The following TXLNG variants were observed in gnomAD, a reference collection of about 807,000 sequenced individuals.
TXLNG encodes the protein gamma-taxilin.
In TXLNG, 5 loss-of-function variants were observed where a neutral mutation model predicts 38.8. The observed-to-expected ratio is 0.13, with a 90% confidence interval of 0.07 to 0.27. TXLNG has a LOEUF of 0.27. Ranked by LOEUF, TXLNG falls within the 10% of genes least tolerant of loss-of-function variation. The pLI is 1.00. For missense variants in TXLNG, 393 were observed against 398.2 expected (o/e 0.99, Z 0.11); for synonymous variants, 182 against 158.2 (o/e 1.15, Z -1.13).
At chrX:16,788,639 C>T (rs1393850466) in intron 1 of TXLNG, among the ~76,000 whole-genome samples, 1 of 103,687 alleles carries the variant, frequency 9.6e-6, no homozygotes, top group African/African-American at 3.5e-5. Flanking sequence ...GAGACCCTGT[C>T]TCTTAAAAAA....
At chrX:16,814,696 A>G (rs192225639) in intron 1 of TXLNG, among the ~76,000 whole-genome samples, 1 of 111,818 alleles carries the variant, frequency 8.9e-6, no homozygotes, top group Non-Finnish European at 1.9e-5. Context: ...AGCCAAATCC[A>G]TAGAGGCAGC....
chrX:16,836,094 TA>T (rs755871285), intron 7 of TXLNG, among the ~76,000 whole-genome samples: 1 of 112,023 alleles, frequency 8.9e-6, no homozygotes, highest in South Asian at 3.7e-4. Flanking sequence ...CCCATCTCTA[TA>T]AAAGATACAA....
chrX:16,790,718 C>G (rs1204833112), intron 1 of TXLNG, among the ~76,000 whole-genome samples: 2 of 112,093 alleles, frequency 1.8e-5, no homozygotes, highest in East Asian at 5.5e-4. Flanking sequence ...GTTTTTATGG[C>G]ACATTTGCAC....
At chrX:16,835,943 A>T in intron 7 of TXLNG, among the ~76,000 whole-genome samples, 1 of 112,699 alleles carries the variant, frequency 8.9e-6, no homozygotes. Flanking sequence ...CACATGGGAC[A>T]GTCTTTATTT....
At chrX:16,837,462 C>T (rs778414669) in intron 7 of TXLNG, 131 bp from the exon 8 acceptor site, 51 of 434,602 alleles carry the variant, frequency 1.2e-4, no homozygotes, top group Non-Finnish European at 1.9e-4. Flanking sequence ...GTCTGGTGTC[C>T]AAGGATTGGA....
chrX:16,825,161 A>G lies in TXLNG; in HGVS notation c.499-2933A>G, dbSNP rs1478738888. 1.9e-4 allele frequency among the ~76,000 whole-genome samples: 21 copies of G among 112,248 alleles called. No individual in the cohort carries two copies. In the Admixed American group the frequency reaches 2.0e-3, roughly 11 times the overall value. On this transcript the variant is annotated intron_variant, in intron 3 of 9. Transcript: ENST00000380122. Reference sequence around the variant, plus strand: ...CCATAAACATTCAAAGAGATGTTCCACCTGATAAGTGATTAGGGAAATGCA... The same window carrying G: ...CCATAAACATTCAAAGAGATGTTCCGCCTGATAAGTGATTAGGGAAATGCA...
At position 16,830,830 on chromosome X, in the gene TXLNG, CGTGTGTGTGTGTGT is replaced by C. The variant is rs1186714021; in HGVS notation, c.864+1103_864+1116del. ...GCTTCAGCAGATGAAACCGTAATTC[CGTGTGTGTGTGTGT>C]GTGTGTGTGTGTGTGTGTGTGTGTG... On this transcript the variant is annotated intron_variant, in intron 5 of 9. Transcript: ENST00000380122. Among the ~76,000 whole-genome samples the C allele has an allele frequency of 4.4e-3, 168 of 37,933 alleles. 2 individuals carry two copies. Among genetic ancestry groups the C allele is most frequent in the Non-Finnish European group, 4.9e-3 (121 of 24,865 alleles). The allele number at this position is 37,933 out of a possible 115,157, so 32.9% of individuals were successfully genotyped here. A position where few individuals can be genotyped will look rare whatever the true frequency, so the allele number is the denominator to read the frequency against.
chrX:16,795,043 A>C (rs1349923108), intron 1 of TXLNG, among the ~76,000 whole-genome samples: 1 of 111,010 alleles, frequency 9.0e-6, no homozygotes, highest in Non-Finnish European at 1.9e-5. Context: ...TTTGGGAGGC[A>C]GAGGCAGGCG....
chrX:16,830,885 G>GTGTGTGTGTGTGTGTGTGTGTGTA (rs1440990242), intron 5 of TXLNG, among the ~76,000 whole-genome samples: 2 of 88,786 alleles, frequency 2.3e-5, no homozygotes, highest in Non-Finnish European at 2.3e-5. Flanking sequence ...GTGTGTGTGT[G>GTGTGTGTGTGTGTGTGTGTGTGTA]TATAGAGACA....
chrX:16,825,159 C>A (rs900307275), intron 3 of TXLNG, among the ~76,000 whole-genome samples: 3 of 111,960 alleles, frequency 2.7e-5, no homozygotes, highest in African/African-American at 9.7e-5. Context: ...AAGAGATGTT[C>A]CACCTGATAA....
At chrX:16,822,025 G>A (rs1928988769) in intron 3 of TXLNG, among the ~76,000 whole-genome samples, 1 of 105,000 alleles carries the variant, frequency 9.5e-6, no homozygotes, top group African/African-American at 3.5e-5. Flanking sequence ...ACTGAATTCT[G>A]TTAGTTTATT....
At position 16,828,132 on chromosome X, in the gene TXLNG, C is replaced by A; in HGVS notation, c.537C>A (p.Ile179=). 1 of 1,210,204 alleles carries A rather than the reference C, an allele frequency of 8.3e-7. No individual in the cohort carries two copies. Among genetic ancestry groups the A allele is most frequent in the Non-Finnish European group, 1.1e-6 (1 of 894,669 alleles). Residue 179 remains isoleucine, a synonymous_variant, in exon 4 of 10, where the codon ATC becomes ATA. Transcript: ENST00000380122. ...GGAGTGTTCAGAAGCAAATGAAGAT[C>A]CTGCAGAAGAAGCAAGCCCAGATTG... is the stretch of plus-strand genomic sequence containing the variant. The part of the protein sequence containing the change: ...ESRSVQKQMK[I]LQKKQAQIVK...
chrX:16,841,021 T>C lies in TXLNG; in HGVS notation c.1249-407T>C, dbSNP rs374178216. On this transcript the variant is annotated intron_variant, in intron 9 of 9. Coordinates refer to ENST00000380122, the MANE Select transcript of TXLNG (RefSeq NM_018360.3). ...ACCATCCTGGCCAACATGGTGAAAC[T>C]CCATCTCTACTAAAAATACAAAAAT... 7.3e-4 allele frequency among the ~76,000 whole-genome samples: 80 copies of C among 109,285 alleles called. No homozygotes were observed. In the East Asian group the frequency reaches 0.013, roughly 18 times the overall value. 94.9% of individuals were successfully genotyped at this position (109,285 alleles called of 115,157 possible).
rs763759599 is a variant in TXLNG at position 16,843,265 on chromosome X, G to A, written c.*1499G>A. ...TTACAAGTGTTATTTGTAAAGTCCT[G>A]TCACATTCATGGTCGAAACTGGGTT... On this transcript the variant is annotated 3_prime_UTR_variant, in exon 10 of 10. Transcript: ENST00000380122. 8.9e-6 allele frequency: 1 copy of A among 112,175 alleles called. No homozygotes were observed. The highest frequency in any genetic ancestry group is 2.8e-4 in the East Asian group (1 of 3,576). The allele number at this position is 112,175 out of a possible 1,213,427, so 9.2% of individuals were successfully genotyped here.
chrX:16,811,576 G>GACCTTGGGTGATCTGCTTGCC (rs2084373213), intron 1 of TXLNG, among the ~76,000 whole-genome samples: 1 of 105,197 alleles, frequency 9.5e-6, no homozygotes, highest in Non-Finnish European at 1.9e-5. Context: ...TTGAACTCTT[G>GACCTTGGGTGATCTGCTTGCC]ACCTTGGGTG....
rs770907598 is a variant in TXLNG, at chrX:16,804,509, G to A, written c.103-14065G>A. ...ACCAATTTAGAGCCCCCCACCCCCC[G>A]CCAAAAGTATGTTGAGTGACCTGTT... On this transcript the variant is annotated intron_variant, in intron 1 of 9. Transcript: ENST00000380122. 4.2e-4 allele frequency among the ~76,000 whole-genome samples: 38 copies of A among 91,292 alleles called. No individual in the cohort carries two copies. The Admixed American group carries it at 4.3e-3, about 10-fold the overall frequency. 79.3% of individuals were successfully genotyped at this position (91,292 alleles called of 115,157 possible).
chrX:16,794,045 C>CT (rs1927792459), intron 1 of TXLNG, among the ~76,000 whole-genome samples: 1 of 111,612 alleles, frequency 9.0e-6, no homozygotes, highest in African/African-American at 3.3e-5. Flanking sequence ...ACTTATGGCG[C>CT]TAAGAAGGTA....
rs1439800324 is a variant in TXLNG at position 16,797,762 on chromosome X, C to T, written c.102+11173C>T. On this transcript the variant is annotated intron_variant, in intron 1 of 9. Transcript: ENST00000380122. ...TTCTCTCTTCATTAGAAGCCAGTCA[C>T]TAGTTTCAGCCCACACTCAAGGGGA... is the stretch of plus-strand genomic sequence containing the variant. Among the ~76,000 whole-genome samples, 3 of 112,558 alleles carry T rather than the reference C, an allele frequency of 2.7e-5. No homozygotes were observed. In the Admixed American group the frequency reaches 2.8e-4, roughly 11 times the overall value.
intron 1 of TXLNG, among the ~76,000 whole-genome samples, chrX:16,800,091 C>A (rs1456260289): frequency 9.2e-6 from 1 of 109,010 alleles, no homozygotes; most frequent in Admixed American, 9.8e-5. Flanking sequence ...AGGCATCTAC[C>A]ACCACGCCCG....
Sources: allele counts gnomAD v4.1 joint callset (sites outside exome capture counted in the v4.1 genomes callset), GRCh38; gene constraint gnomAD v4.1.1; transcripts MANE v1.5; gene names NCBI Gene and HGNC (gene_info 2026-07-23, HGNC 2026-07-21).